PDZD2: variants seen among roughly 807,000 people sequenced by gnomAD.
PDZD2 encodes PDZ domain-containing protein 2.
PDZD2 carries 90 observed loss-of-function variants against 220.7 expected under a neutral mutation model. That is an observed-to-expected ratio of 0.41 (90% CI 0.34 to 0.49). The LOEUF (loss-of-function observed/expected upper bound fraction) is 0.49. PDZD2 is among the 20% of genes least tolerant of loss of function. PDZD2 has a pLI of 0.28. For missense variants in PDZD2, 3,174 were observed against 3,608.5 expected, an observed-to-expected ratio of 0.88 and a Z score of 3.08; for synonymous variants, 1,375 against 1,450.5, an observed-to-expected ratio of 0.95 and a Z score of 1.18.
intron 2 of PDZD2, among the ~76,000 whole-genome samples, chr5:31,916,907 C>A (rs934033827): frequency 8.5e-5 from 13 of 152,114 alleles, no homozygotes; most frequent in African/African-American, 3.1e-4. Context: ...TGCTAACTGT[C>A]ATCATGACAG....
chr5:31,789,675 C>T (rs1214876550), intron 1 of PDZD2, among the ~76,000 whole-genome samples: 10 of 152,172 alleles, frequency 6.6e-5, no homozygotes, highest in East Asian at 1.9e-4. Flanking sequence ...ATGCCTATAA[C>T]GCCAGCACTT....
chr5:32,013,016 G>A (rs754632791), intron 6 of PDZD2, among the ~76,000 whole-genome samples: 38 of 151,972 alleles, frequency 2.5e-4, no homozygotes, highest in Non-Finnish European at 4.7e-4. Context: ...CAACAATTCT[G>A]TATTCAAAGA....
At chr5:31,936,201 G>A (rs141619972) in intron 2 of PDZD2, 25,949 of 987,718 alleles carry the variant, frequency 0.026, 398 homozygotes, top group Non-Finnish European at 0.029. Context: ...GGCGCAGCTT[G>A]TATTTTTGTT....
chr5:31,698,553 T>C (rs1233373885), intron 1 of PDZD2, among the ~76,000 whole-genome samples: 3 of 149,806 alleles, frequency 2.0e-5, no homozygotes, highest in African/African-American at 4.9e-5. Flanking sequence ...GAGCCGAGAT[T>C]GTGCCACTGC....
chr5:31,642,428 C>A (rs1272959617), intron 1 of PDZD2, among the ~76,000 whole-genome samples: 1 of 152,086 alleles, frequency 6.6e-6, no homozygotes, highest in Admixed American at 6.5e-5. Flanking sequence ...AGGAAAAGGC[C>A]ACTGATAGAA....
intron 2 of PDZD2, among the ~76,000 whole-genome samples, chr5:31,916,489 C>T (rs1435080100): frequency 1.3e-5 from 2 of 152,260 alleles, no homozygotes; most frequent in East Asian, 3.8e-4. Context: ...ATACCCGGAG[C>T]GCTGGCTGTC....
rs116598198 is a variant in PDZD2 at position 31,799,264 on chromosome 5, G to C, written c.16G>C (p.Asp6His). Residue 6 changes from aspartate (D) to histidine (H), a missense_variant, in exon 2 of 25, where the codon GAC becomes CAC. Physicochemically the swap from Asp to His is moderately conservative, Grantham distance 81 (BLOSUM62 -1). Transcript: ENST00000438447. Reference protein sequence around the residue: MPITQDNAVLHLPLLY... With the variant: MPITQHNAVLHLPLLY... ...AGTGAGCACCATGCCCATCACCCAGGACAATGCCGTGCTGCACCTGCCCCT... is the reference window on the plus strand; with the variant it reads ...AGTGAGCACCATGCCCATCACCCAGCACAATGCCGTGCTGCACCTGCCCCT... 1.9e-6 allele frequency: 3 copies of C among 1,604,156 alleles called. No individual in the cohort carries two copies. Among genetic ancestry groups the C allele is most frequent in the Admixed American group, 1.7e-5 (1 of 59,796 alleles).
intron 1 of PDZD2, among the ~76,000 whole-genome samples, chr5:31,716,027 T>C (rs1283217837): frequency 6.6e-6 from 1 of 152,222 alleles, no homozygotes; most frequent in Non-Finnish European, 1.5e-5. Flanking sequence ...CTCTTCATTC[T>C]TGCCCCAAAT....
intron 2 of PDZD2, among the ~76,000 whole-genome samples, chr5:31,930,225 G>T (rs113176988): frequency 0.3 from 9,369 of 31,660 alleles, 1,067 homozygotes; most frequent in Non-Finnish European, 0.33. Context: ...TTTTTTTTTT[G>T]GAGACAGTCT....
intron 1 of PDZD2, among the ~76,000 whole-genome samples, chr5:31,689,913 C>A (rs1425134391): frequency 3.3e-5 from 5 of 152,096 alleles, no homozygotes; most frequent in African/African-American, 1.2e-4. Context: ...AAAGTCCTTC[C>A]TTAGGAAGGA....
rs1744869991 is a variant in PDZD2 at position 31,639,745 on chromosome 5, CG to C, written c.-361+311del. On this transcript the variant is annotated intron_variant, in intron 1 of 24. Coordinates refer to ENST00000438447, the MANE Select transcript of PDZD2 (RefSeq NM_178140.4). This position sits in a 1 kb window ranked among gnomAD's most constrained non-coding sequence, Gnocchi z 4.1. ...CTGCCGGGGGTACTCAAGACAGGGC[CG>C]GGACCTCCTGCTCGGGCGCGCATCC... 1.3e-5 allele frequency among the ~76,000 whole-genome samples: 2 copies of C among 152,250 alleles called. No individual in the cohort carries two copies. Among genetic ancestry groups the C allele is most frequent in the African/African-American group, 4.8e-5 (2 of 41,576 alleles).
At chr5:32,048,732 G>A in intron 8 of PDZD2, 48 bp downstream of exon 8, 2 of 1,596,210 alleles carry the variant, frequency 1.3e-6, no homozygotes, top group Non-Finnish European at 1.7e-6. Flanking sequence ...GGGCTTACAT[G>A]TTAAGAAGAA....
chr5:31,825,939 CTT>C lies in PDZD2; in HGVS notation c.476+26225_476+26226del, dbSNP rs11338976. On this transcript the variant is annotated intron_variant, in intron 2 of 24. Coordinates refer to ENST00000438447, the MANE Select transcript of PDZD2 (RefSeq NM_178140.4). ...TAACAGGTGTCAAGCAAAAGGAAAG[CTT>C]TTTTTTTTTCCTCTTTTAATGAACA... Among the ~76,000 whole-genome samples, 340 of 150,234 alleles carry C rather than the reference CTT, an allele frequency of 2.3e-3. 1 individual carries two copies. Among genetic ancestry groups the C allele is most frequent in the African/African-American group, 7.8e-3 (320 of 40,940 alleles).
At chr5:31,911,505 CCT>C (rs1376325242) in intron 2 of PDZD2, among the ~76,000 whole-genome samples, 4 of 152,240 alleles carry the variant, frequency 2.6e-5, no homozygotes, top group African/African-American at 9.6e-5. Context: ...CTGCATCGCC[CCT>C]GTCAGCTGAC....
At chr5:31,778,155 C>A (rs1009705600) in intron 1 of PDZD2, among the ~76,000 whole-genome samples, 1 of 152,174 alleles carries the variant, frequency 6.6e-6, no homozygotes, top group Non-Finnish European at 1.5e-5. Flanking sequence ...TGTAAATACA[C>A]CAATCAGCAC....
chr5:31,747,213 G>A (rs1469392157), intron 1 of PDZD2, among the ~76,000 whole-genome samples: 1 of 152,160 alleles, frequency 6.6e-6, no homozygotes, highest in Admixed American at 6.5e-5. Context: ...CAGGTCATGA[G>A]AGCCTTTGGA....
At position 32,089,392 on chromosome 5, in the gene PDZD2, T is replaced by C; in HGVS notation, c.5944T>C (p.Phe1982Leu). The C allele has an allele frequency of 6.2e-7, 1 of 1,614,028 alleles. No individual in the cohort carries two copies. Among genetic ancestry groups the C allele is most frequent in the Non-Finnish European group, 8.5e-7 (1 of 1,180,014 alleles). Residue 1982 changes from phenylalanine to leucine, a missense_variant, in exon 20 of 25, where the codon TTT becomes CTT. Physicochemically the swap from Phe to Leu is conservative, Grantham distance 22. Coordinates refer to ENST00000438447, the MANE Select transcript of PDZD2 (RefSeq NM_178140.4). ...AGTGTCTGACACGAGCATCAGGACA[T>C]TTGTCTCGCCCCTGACCTCTCCCAA... Reference protein sequence around the residue: ...PSVSDTSIRTFVSPLTSPKPV... With the variant: ...PSVSDTSIRTLVSPLTSPKPV...
chr5:31,840,665 G>C, intron 2 of PDZD2: 1 of 735,824 alleles, frequency 1.4e-6, no homozygotes, highest in Non-Finnish European at 2.5e-6. Flanking sequence ...TCAGGAAGCT[G>C]TCTTGGCTCT....
intron 2 of PDZD2, among the ~76,000 whole-genome samples, chr5:31,922,554 C>G (rs368640482): frequency 1.3e-5 from 2 of 152,252 alleles, no homozygotes; most frequent in African/African-American, 4.8e-5. Flanking sequence ...CTGAACGTTG[C>G]TACTGTTAAG....
Sources: gnomAD v4.1 joint callset for allele counts (sites outside exome capture counted in the v4.1 genomes callset) on GRCh38, gnomAD v4.1.1 for gene constraint, Gnocchi (gnomAD v3.1) non-coding constraint, MANE v1.5 for transcripts, NCBI Gene and HGNC (gene_info 2026-07-23, HGNC 2026-07-21) for gene names.